Variants in RPH3AL observed in about 807,000 individuals in gnomAD.
RPH3AL encodes rab effector Noc2.
In RPH3AL, 38 loss-of-function variants were observed where a neutral mutation model predicts 43.1. The ratio of observed to expected loss-of-function variants is 0.88; its 90% CI spans 0.68 to 1.15. The LOEUF (loss-of-function observed/expected upper bound fraction) is 1.15. Among genes scored for constraint, RPH3AL ranks in the 50% most tolerant of loss-of-function variants. RPH3AL has a pLI of 0.00. For missense variants in RPH3AL, 462 were observed against 423.2 expected (o/e 1.09, Z -0.81); for synonymous variants, 189 against 176.3 (o/e 1.07, Z -0.57).
At chr17:258,608 T>G (rs2042123919) in intron 6 of RPH3AL, among the ~76,000 whole-genome samples, 1 of 152,094 alleles carries the variant, frequency 6.6e-6, no homozygotes, top group Non-Finnish European at 1.5e-5. Flanking sequence ...GCCTCAGCCT[T>G]GCCTCCTGCT....
At chr17:259,779 G>A (rs1296152244) in intron 6 of RPH3AL, among the ~76,000 whole-genome samples, 5 of 152,238 alleles carry the variant, frequency 3.3e-5, no homozygotes, top group African/African-American at 9.6e-5. Flanking sequence ...TCTGTGCTCC[G>A]CTTCCAGGTT....
chr17:242,521 C>T (rs1555537452), intron 7 of RPH3AL, among the ~76,000 whole-genome samples: 6 of 65,014 alleles, frequency 9.2e-5, no homozygotes, highest in African/African-American at 6.9e-5. Context: ...CCTCTATTGA[C>T]TACCTTCCTC....
chr17:214,182 G>A (rs1031920938), intron 9 of RPH3AL, among the ~76,000 whole-genome samples: 8 of 152,172 alleles, frequency 5.3e-5, no homozygotes, highest in East Asian at 3.9e-4. Context: ...TCAGGATGCC[G>A]GAAGGAGCAA....
intron 3 of RPH3AL, among the ~76,000 whole-genome samples, chr17:326,831 G>A (rs1337264804): frequency 2.0e-5 from 3 of 152,182 alleles, no homozygotes; most frequent in Non-Finnish European, 4.4e-5. Context: ...AGCTAAGATC[G>A]TGCCATTGCA....
At chr17:302,509 G>C (rs2043353705) in intron 5 of RPH3AL, among the ~76,000 whole-genome samples, 1 of 152,192 alleles carries the variant, frequency 6.6e-6, no homozygotes, top group Non-Finnish European at 1.5e-5. Flanking sequence ...GAGGAGAGAG[G>C]AAGCCATCGG....
chr17:292,608 C>T (rs1385097505), intron 5 of RPH3AL, among the ~76,000 whole-genome samples: 1 of 152,172 alleles, frequency 6.6e-6, no homozygotes, highest in African/African-American at 2.4e-5. Context: ...GCTCCTGCTG[C>T]CCCAGCCGGG....
chr17:219,525 C>CATTTTTTT, intron 8 of RPH3AL, 98 bp downstream of exon 8: 1 of 149,674 alleles, frequency 6.7e-6, no homozygotes, highest in Non-Finnish European at 1.3e-5. Flanking sequence ...TCTTTTTCTT[C>CATTTTTTT]CTTTTTTTTT....
Position 261,223 on chromosome 17 carries a change from T to G in RPH3AL, c.439-13938A>C, listed in dbSNP as rs117113126. 2.2e-3 allele frequency among the ~76,000 whole-genome samples: 329 copies of G among 152,332 alleles called. 5 individuals carry two copies. In the East Asian group the frequency reaches 0.058, roughly 27 times the overall value. On this transcript the variant is annotated intron_variant, in intron 6 of 9. Coordinates refer to ENST00000331302, the MANE Select transcript of RPH3AL (RefSeq NM_006987.4). ...CTGAACTGTGTCCTCCAAATCCACATGTTGAAGCTCTAACCCTCATGTACT... is the reference window on the plus strand; with the variant it reads ...CTGAACTGTGTCCTCCAAATCCACAGGTTGAAGCTCTAACCCTCATGTACT...
intron 6 of RPH3AL, among the ~76,000 whole-genome samples, chr17:256,179 G>A (rs371633941): frequency 0.041 from 328 of 8,090 alleles, 4 homozygotes; most frequent in Non-Finnish European, 0.07. Flanking sequence ...TACTTCCTAT[G>A]AGGGGAGCTG....
At position 325,792 on chromosome 17, in the gene RPH3AL, A is replaced by G. The variant is rs140296645; in HGVS notation, c.77+1675T>C. On this transcript the variant is annotated intron_variant, in intron 3 of 9. Transcript: ENST00000331302. ...AGGGGTTTAGAAAACATCTGGTGGCAGCTGGAGGACTGAGGGGAGCCCCGA... is the reference window on the plus strand; with the variant it reads ...AGGGGTTTAGAAAACATCTGGTGGCGGCTGGAGGACTGAGGGGAGCCCCGA... 4.7e-3 allele frequency among the ~76,000 whole-genome samples: 713 copies of G among 152,310 alleles called. 3 individuals carry two copies. Among genetic ancestry groups the G allele is most frequent in the African/African-American group, 0.015 (603 of 41,562 alleles).
At position 245,885 on chromosome 17, in the gene RPH3AL, C is replaced by G. The variant is rs569876882; in HGVS notation, c.613+1226G>C. ...CCCACGGTCCCCACCAATGTCTGTC[C>G]GTGGCAGCGATGTCGGGGGTGAACT... On this transcript the variant is annotated intron_variant, in intron 7 of 9. Coordinates refer to ENST00000331302, the MANE Select transcript of RPH3AL (RefSeq NM_006987.4). This position sits in a 1 kb window ranked among gnomAD's most constrained non-coding sequence, Gnocchi z 5.9. 6.6e-6 allele frequency among the ~76,000 whole-genome samples: 1 copy of G among 152,104 alleles called. No homozygotes were observed. Among genetic ancestry groups the G allele is most frequent in the African/African-American group, 2.4e-5 (1 of 41,406 alleles).
intron 6 of RPH3AL, 88 bp from the exon 7 acceptor site, chr17:247,373 C>A: frequency 7.4e-7 from 1 of 1,356,404 alleles, no homozygotes; most frequent in Non-Finnish European, 9.8e-7. Flanking sequence ...AGGCAGGACG[C>A]GGAGAGCTAG....
chr17:286,064 G>C (rs1163946591), intron 5 of RPH3AL, among the ~76,000 whole-genome samples: 2 of 152,208 alleles, frequency 1.3e-5, no homozygotes, highest in African/African-American at 4.8e-5. Flanking sequence ...GGGGTGCTCG[G>C]CTGCCCTGTG....
chr17:314,328 A>G (rs945952418), intron 5 of RPH3AL, among the ~76,000 whole-genome samples: 3 of 152,104 alleles, frequency 2.0e-5, no homozygotes, highest in Non-Finnish European at 4.4e-5. Context: ...AGGAGGAGGA[A>G]GCACACTGCC....
At chr17:338,339 G>A (rs1263512957) in intron 1 of RPH3AL, among the ~76,000 whole-genome samples, 1 of 151,946 alleles carries the variant, frequency 6.6e-6, no homozygotes, top group Non-Finnish European at 1.5e-5. Flanking sequence ...GCACATACCT[G>A]TAGTCTCAGA....
chr17:315,603 C>A (rs1555520031), intron 5 of RPH3AL, among the ~76,000 whole-genome samples: 9 of 151,088 alleles, frequency 6.0e-5, no homozygotes, highest in African/African-American at 2.2e-4. Flanking sequence ...GCTCCACCTC[C>A]ACTGAACTCT....
In RPH3AL at chr17:245,163, A is replaced by C. The variant is rs1420845735; in HGVS notation, c.613+1948T>G. On this transcript the variant is annotated intron_variant, in intron 7 of 9. Coordinates refer to ENST00000331302, the MANE Select transcript of RPH3AL (RefSeq NM_006987.4). The surrounding 1 kb of genome is among the most constrained non-coding windows in gnomAD (Gnocchi z 5.9). ...CATGTGGATGTGTGTGTGCACATGG[A>C]TGTGTCTGTGTGTACGTGGATGTCT... Among the ~76,000 whole-genome samples, 7 of 138,072 alleles carry C rather than the reference A, an allele frequency of 5.1e-5. No homozygotes were observed. The highest frequency in any genetic ancestry group is 9.3e-5 in the Non-Finnish European group (6 of 64,286). The allele number at this position is 138,072 out of a possible 152,430, so 90.6% of individuals were successfully genotyped here. A position where few individuals can be genotyped will look rare whatever the true frequency, so the allele number is the denominator to read the frequency against.
chr17:217,368 A>G (rs543825409), intron 8 of RPH3AL, among the ~76,000 whole-genome samples: 4 of 67,206 alleles, frequency 6.0e-5, no homozygotes, highest in Admixed American at 1.6e-4. Context: ...GGCCTCACTG[A>G]AATCAGGACC....
intron 5 of RPH3AL, among the ~76,000 whole-genome samples, chr17:316,283 C>CCT (rs2044174550): frequency 1.1e-4 from 1 of 8,788 alleles, no homozygotes; most frequent in East Asian, 0.011. Flanking sequence ...TCCAGTGATG[C>CCT]GTAGTCTCTG....
Sources: allele counts gnomAD v4.1 joint callset (sites outside exome capture counted in the v4.1 genomes callset), GRCh38; gene constraint gnomAD v4.1.1; non-coding constraint Gnocchi (gnomAD v3.1); transcripts MANE v1.5; gene names NCBI Gene and HGNC (gene_info 2026-07-23, HGNC 2026-07-21).